Variants in MPDZ observed in about 807,000 individuals in gnomAD.
MPDZ encodes the protein multiple PDZ domain crumbs cell polarity complex component.
A neutral mutation model predicts 239.1 loss-of-function variants in MPDZ; 234 were observed. The ratio of observed to expected loss-of-function variants is 0.98; its 90% CI spans 0.88 to 1.09. MPDZ has a LOEUF of 1.09. Ranked by LOEUF, MPDZ falls within the 50% of genes least tolerant of loss-of-function variation. MPDZ has a pLI of 0.00. For synonymous variants in MPDZ, 1,048 were observed against 881.3 expected (o/e 1.19, Z -3.35); for missense variants, 3,175 against 2,510.0 (o/e 1.26, Z -5.66).
At chr9:13,201,944 C>A (rs1467929310) in intron 12 of MPDZ, among the ~76,000 whole-genome samples, 1 of 152,122 alleles carries the variant, frequency 6.6e-6, no homozygotes, top group Non-Finnish European at 1.5e-5. Context: ...TACAACATTT[C>A]ATAGATCTTC....
At chr9:13,146,304 T>C (rs1948424579) in intron 26 of MPDZ, among the ~76,000 whole-genome samples, 1 of 152,032 alleles carries the variant, frequency 6.6e-6, no homozygotes. Flanking sequence ...TTACAGTCCA[T>C]GGCATAGAAT....
intron 10 of MPDZ, among the ~76,000 whole-genome samples, chr9:13,208,975 G>A (rs572170815): frequency 6.6e-6 from 1 of 152,218 alleles, no homozygotes; most frequent in African/African-American, 2.4e-5. Flanking sequence ...AACCAAAGAA[G>A]CACCAAGGTC....
At chr9:13,219,415 T>G in intron 8 of MPDZ, 144 bp downstream of exon 8, 1 of 730,956 alleles carries the variant, frequency 1.4e-6, no homozygotes, top group South Asian at 2.0e-5. Context: ...TCATTAGTGC[T>G]AAAGCATCCC....
intron 8 of MPDZ, 54 bp from the exon 9 acceptor site, chr9:13,217,348 AC>A (rs1958483108): frequency 8.7e-7 from 1 of 1,149,582 alleles, no homozygotes; most frequent in African/African-American, 1.6e-5. Context: ...AAAACAAAAA[AC>A]AAAAAACAAA....
At chr9:13,156,937 A>G (rs1949901135) in intron 24 of MPDZ, among the ~76,000 whole-genome samples, 7 of 152,146 alleles carry the variant, frequency 4.6e-5, no homozygotes, top group Admixed American at 4.6e-4. Context: ...AGAGCTTGGG[A>G]TTTTTTAAGT....
chr9:13,264,656 TA>T (rs201009628), intron 1 of MPDZ, among the ~76,000 whole-genome samples: 2,278 of 132,678 alleles, frequency 0.017, 41 homozygotes, highest in African/African-American at 0.044. Flanking sequence ...ACCCATAATT[TA>T]AAAAAAAAAA....
intron 3 of MPDZ, among the ~76,000 whole-genome samples, chr9:13,236,517 G>T (rs1407795766): frequency 4.0e-5 from 6 of 150,960 alleles, no homozygotes; most frequent in Admixed American, 4.0e-4. Context: ...CCGACCTCAG[G>T]TGACCCGCCC....
intron 37 of MPDZ, 75 bp from the exon 38 acceptor site, chr9:13,122,007 G>C: frequency 1.3e-6 from 2 of 1,598,736 alleles, no homozygotes; most frequent in African/African-American, 1.3e-5. Context: ...GGAAGAGAGA[G>C]AAAGAAGCAA....
chr9:13,214,078 C>G (rs1957978850), intron 10 of MPDZ, among the ~76,000 whole-genome samples: 1 of 151,780 alleles, frequency 6.6e-6, no homozygotes, highest in Non-Finnish European at 1.5e-5. Flanking sequence ...AGTATACACC[C>G]AAGAAAAATG....
chr9:13,221,476 T>C lies in MPDZ; in HGVS notation c.772A>G (p.Ile258Val). ...NPVHWQHMET[I>V]ELVNDGSGLG... is the part of the protein sequence containing the mutation. ...CCAGATCCATCATTCACCAATTCAA[T>C]CGTTTCCATGTGTTGCCAGTGAACC... is the stretch of plus-strand genomic sequence containing the variant. The change falls in exon 7 of 47, where the codon ATT (isoleucine) becomes GTT (valine). Residue 258 changes from isoleucine (I) to valine (V), a missense_variant. Transcript: ENST00000319217. The C allele has an allele frequency of 6.2e-7, 1 of 1,610,806 alleles. No homozygotes were observed. Among genetic ancestry groups the C allele is most frequent in the Non-Finnish European group, 8.5e-7 (1 of 1,178,042 alleles).
intron 24 of MPDZ, among the ~76,000 whole-genome samples, chr9:13,153,509 T>C (rs1949457294): frequency 6.6e-6 from 1 of 152,090 alleles, no homozygotes; most frequent in Admixed American, 6.6e-5. Context: ...AGTGGCATGA[T>C]CATAGTCCAC....
At chr9:13,263,303 T>C (rs1193474071) in intron 1 of MPDZ, among the ~76,000 whole-genome samples, 2 of 151,552 alleles carry the variant, frequency 1.3e-5, no homozygotes, top group Non-Finnish European at 2.9e-5. Context: ...AGGCAGCCGA[T>C]ATGTGAAAAT....
intron 32 of MPDZ, among the ~76,000 whole-genome samples, chr9:13,131,228 G>A (rs1945953321): frequency 6.6e-6 from 1 of 152,200 alleles, no homozygotes; most frequent in African/African-American, 2.4e-5. Context: ...CAGGCTTAGT[G>A]TAATATGTCA....
At position 13,143,499 on chromosome 9, in the gene MPDZ, T is replaced by G. The variant is rs577808632; in HGVS notation, c.3807A>C (p.Pro1269=). Reference sequence around the variant, plus strand: ...CGTTGATTTGTAGAGAGTCAGCAAATGGGTTAGTGCTGCTGAAGTTGTACT... The same window carrying G: ...CGTTGATTTGTAGAGAGTCAGCAAAGGGGTTAGTGCTGCTGAAGTTGTACT... ...YPKYNFSSTN[P]FADSLQINAD... Residue 1269 remains proline, a synonymous_variant, in exon 27 of 47, where the codon CCA becomes CCC. Coordinates refer to ENST00000319217, the MANE Select transcript of MPDZ (RefSeq NM_001378778.1). 4 of 1,612,816 alleles carry G rather than the reference T, an allele frequency of 2.5e-6. No individual in the cohort carries two copies. The African/African-American group carries it at 5.3e-5, about 22-fold the overall frequency.
chr9:13,240,579 G>GT (rs1491482055), intron 3 of MPDZ, among the ~76,000 whole-genome samples: 9 of 5,748 alleles, frequency 1.6e-3, no homozygotes, highest in East Asian at 5.7e-3. Flanking sequence ...CATAATAAAA[G>GT]TAAAAAAAAA....
chr9:13,175,093 A>C (rs572566388), intron 21 of MPDZ, among the ~76,000 whole-genome samples: 1 of 152,314 alleles, frequency 6.6e-6, no homozygotes, highest in Non-Finnish European at 1.5e-5. Flanking sequence ...TCTATTTATC[A>C]AGAAAGACAG....
intron 12 of MPDZ, 102 bp downstream of exon 12, chr9:13,204,934 G>T (rs1956825474): frequency 7.0e-6 from 5 of 718,038 alleles, no homozygotes; most frequent in African/African-American, 3.7e-5. Context: ...ATTTTTTTTA[G>T]TAACTTACAA....
In MPDZ at chr9:13,197,159, C is replaced by CTATA. The variant is rs151292901; in HGVS notation, c.1547-933_1547-930dup. On this transcript the variant is annotated intron_variant, in intron 12 of 46. Transcript: ENST00000319217. ...TCCTTAAAAGACTGTAAACAATAAA[C>CTATA]TATATATATATATATATTTTTAGTT... Among the ~76,000 whole-genome samples the CTATA allele has an allele frequency of 1.7e-3, 256 of 148,272 alleles. 1 individual carries two copies. Among genetic ancestry groups the CTATA allele is most frequent in the Middle Eastern group, 6.9e-3 (2 of 290 alleles).
intron 24 of MPDZ, among the ~76,000 whole-genome samples, chr9:13,156,283 T>A (rs1288437419): frequency 6.6e-6 from 1 of 152,186 alleles, no homozygotes; most frequent in Non-Finnish European, 1.5e-5. Flanking sequence ...CTAACATGGC[T>A]CTTACTGACA....
Sources: allele counts gnomAD v4.1 joint callset (sites outside exome capture counted in the v4.1 genomes callset), GRCh38; gene constraint gnomAD v4.1.1; transcripts MANE v1.5; gene names NCBI Gene and HGNC (gene_info 2026-07-23, HGNC 2026-07-21).